Variants in ARFIP1 observed in about 807,000 individuals in gnomAD.
ARFIP1 encodes arfaptin-1.
A neutral mutation model predicts 42.5 loss-of-function variants in ARFIP1; 24 were observed. That is an observed-to-expected ratio of 0.57 (90% CI 0.41 to 0.80). ARFIP1 has a LOEUF of 0.80. Among genes scored for constraint, ARFIP1 ranks in the 30% least tolerant of loss-of-function variants. The pLI, the probability that ARFIP1 is intolerant of heterozygous loss-of-function variation, is 0.00. For synonymous variants in ARFIP1, 141 were observed against 153.7 expected, an observed-to-expected ratio of 0.92 and a Z score of 0.61; for missense variants, 354 against 434.0, an observed-to-expected ratio of 0.82 and a Z score of 1.64.
intron 8 of ARFIP1, among the ~76,000 whole-genome samples, chr4:152,890,968 T>C (rs1736793454): frequency 6.6e-6 from 1 of 152,224 alleles, no homozygotes; most frequent in Non-Finnish European, 1.5e-5. Context: ...GAGAGAATTA[T>C]TTCTTTCAGT....
rs1730843534 is a variant in ARFIP1, at chr4:152,786,918, G to C, written c.-10+6692G>C. ...ATTTCATTTCACTTGTTAGTTCCTA[G>C]TCATCCTTCACACCTCAGCTGAAGT... is the stretch of plus-strand genomic sequence containing the variant. On this transcript the variant is annotated intron_variant, in intron 1 of 8. Coordinates refer to ENST00000353617, the MANE Select transcript of ARFIP1 (RefSeq NM_001025595.3). Among the ~76,000 whole-genome samples, 3 of 152,096 alleles carry C rather than the reference G, an allele frequency of 2.0e-5. No individual in the cohort carries two copies. The South Asian group carries it at 6.2e-4, about 31-fold the overall frequency.
chr4:152,819,923 G>T (rs1730224532), intron 1 of ARFIP1, among the ~76,000 whole-genome samples: 1 of 152,162 alleles, frequency 6.6e-6, no homozygotes, highest in African/African-American at 2.4e-5. Flanking sequence ...ATTTCAGGGT[G>T]ACTACATCCA....
chr4:152,804,075 T>A (rs28497212), intron 1 of ARFIP1, among the ~76,000 whole-genome samples: 2 of 100,472 alleles, frequency 2.0e-5, no homozygotes, highest in Non-Finnish European at 4.0e-5. Context: ...TAATATATAT[T>A]ATATATAATA....
chr4:152,783,331 C>T (rs1255707638), intron 1 of ARFIP1, among the ~76,000 whole-genome samples: 1 of 152,130 alleles, frequency 6.6e-6, no homozygotes, highest in African/African-American at 2.4e-5. Flanking sequence ...CAACAACAGA[C>T]TAGCTTATGC....
At chr4:152,899,719 C>T (rs1046437194) in intron 8 of ARFIP1, among the ~76,000 whole-genome samples, 1 of 152,162 alleles carries the variant, frequency 6.6e-6, no homozygotes, top group Non-Finnish European at 1.5e-5. Context: ...AGAGGTGCTC[C>T]ATGGAGCACG....
chr4:152,846,704 CAT>C (rs1239887040), intron 2 of ARFIP1, among the ~76,000 whole-genome samples: 2 of 152,084 alleles, frequency 1.3e-5, no homozygotes, highest in Admixed American at 6.5e-5. Context: ...GAAGAGATCT[CAT>C]ATGTAAAACT....
At chr4:152,842,642 G>A (rs1373202662) in intron 2 of ARFIP1, among the ~76,000 whole-genome samples, 1 of 152,084 alleles carries the variant, frequency 6.6e-6, no homozygotes, top group Non-Finnish European at 1.5e-5. Context: ...GTTGGATTGG[G>A]TTAATTCGAA....
At chr4:152,822,232 G>A (rs1167881226) in intron 1 of ARFIP1, among the ~76,000 whole-genome samples, 1 of 125,638 alleles carries the variant, frequency 8.0e-6, no homozygotes, top group African/African-American at 3.1e-5. Flanking sequence ...CGCACAAGTT[G>A]AAATCAAAAG....
At chr4:152,841,791 C>A (rs747250606) in intron 2 of ARFIP1, among the ~76,000 whole-genome samples, 3 of 152,136 alleles carry the variant, frequency 2.0e-5, no homozygotes, top group Non-Finnish European at 2.9e-5. Flanking sequence ...TTATAGGTAA[C>A]CTTGTGCTTC....
intron 1 of ARFIP1, among the ~76,000 whole-genome samples, chr4:152,782,046 TTGTGTGTGTATGTG>T (rs1319044835): frequency 6.6e-6 from 1 of 151,336 alleles, no homozygotes; most frequent in East Asian, 1.9e-4. Context: ...AAAACAGGTT[TTGTGTGTGTATGTG>T]TGTGTGTGTT....
intron 8 of ARFIP1, among the ~76,000 whole-genome samples, chr4:152,906,919 A>G (rs1049491659): frequency 1.3e-5 from 2 of 152,140 alleles, no homozygotes; most frequent in African/African-American, 4.8e-5. Context: ...AGATAACTTA[A>G]AAGTTTATTC....
chr4:152,863,948 TATAAA>T (rs1734104914), intron 3 of ARFIP1, among the ~76,000 whole-genome samples: 1 of 152,216 alleles, frequency 6.6e-6, no homozygotes, highest in Non-Finnish European at 1.5e-5. Flanking sequence ...AAGAATAGGT[TATAAA>T]ATACTGAAAT....
At chr4:152,855,380 G>A (rs550952567) in intron 2 of ARFIP1, among the ~76,000 whole-genome samples, 2 of 152,294 alleles carry the variant, frequency 1.3e-5, no homozygotes, top group East Asian at 1.9e-4. Flanking sequence ...TGCAGAATGC[G>A]TGAGTAGGAG....
intron 1 of ARFIP1, among the ~76,000 whole-genome samples, chr4:152,800,738 C>T (rs1356822810): frequency 6.6e-6 from 1 of 152,148 alleles, no homozygotes; most frequent in Non-Finnish European, 1.5e-5. Context: ...ACTCAGACAT[C>T]TAAAAAGTGA....
At chr4:152,866,022 C>A (rs1035778729) in intron 3 of ARFIP1, among the ~76,000 whole-genome samples, 1 of 151,894 alleles carries the variant, frequency 6.6e-6, no homozygotes, top group Non-Finnish European at 1.5e-5. Flanking sequence ...TGCGGCCTTC[C>A]GCAGTGTTTG....
rs529089534 is a variant in ARFIP1, at chr4:152,790,992, C to T, written c.-10+10766C>T. On this transcript the variant is annotated intron_variant, in intron 1 of 8. Coordinates refer to ENST00000353617, the MANE Select transcript of ARFIP1 (RefSeq NM_001025595.3). ...GGCTTAAGTGATCCACTGGCCTTGG[C>T]CTCCCAAAGTGCTGGGATTACAGGC... Among the ~76,000 whole-genome samples the T allele has an allele frequency of 4.8e-4, 73 of 152,124 alleles. 2 individuals carry two copies. In the South Asian group the frequency reaches 0.014, roughly 30 times the overall value.
intron 1 of ARFIP1, among the ~76,000 whole-genome samples, chr4:152,793,364 C>T (rs1731247606): frequency 1.4e-5 from 2 of 147,974 alleles, no homozygotes; most frequent in East Asian, 2.0e-4. Context: ...ATATTTAGTA[C>T]CTATCTCTGT....
chr4:152,784,632 C>G (rs1327575853), intron 1 of ARFIP1, among the ~76,000 whole-genome samples: 2 of 152,166 alleles, frequency 1.3e-5, no homozygotes, highest in Non-Finnish European at 2.9e-5. Flanking sequence ...TTGAGACATA[C>G]AAAAATGAAG....
chr4:152,878,201 AT>A (rs1425982741), intron 5 of ARFIP1, among the ~76,000 whole-genome samples: 1 of 152,116 alleles, frequency 6.6e-6, no homozygotes, highest in Non-Finnish European at 1.5e-5. Context: ...TTCAAAATGA[AT>A]TTTTCATTTA....
Sources: allele counts gnomAD v4.1 joint callset (sites outside exome capture counted in the v4.1 genomes callset), GRCh38; gene constraint gnomAD v4.1.1; transcripts MANE v1.5; gene names NCBI Gene and HGNC (gene_info 2026-07-23, HGNC 2026-07-21).